NCKAP5: variants seen among roughly 807,000 people sequenced by gnomAD.
NCKAP5 encodes the protein nck-associated protein 5.
In NCKAP5, 92 loss-of-function variants were observed where a neutral mutation model predicts 167.0. The ratio of observed to expected loss-of-function variants is 0.55; its 90% CI spans 0.47 to 0.66. NCKAP5 has a LOEUF of 0.66. Ranked by LOEUF, NCKAP5 falls within the 30% of genes least tolerant of loss-of-function variation. The pLI is 0.00. For synonymous variants in NCKAP5, 891 were observed against 877.4 expected (o/e 1.02, Z -0.27); for missense variants, 2,378 against 2,315.0 (o/e 1.03, Z -0.56).
intron 5 of NCKAP5, among the ~76,000 whole-genome samples, chr2:133,147,627 C>T (rs555817886): frequency 9.9e-5 from 15 of 152,184 alleles, no homozygotes; most frequent in African/African-American, 1.7e-4. Context: ...GTATAACTCA[C>T]GGTAGGTCTA....
the NCKAP5 span, among the ~76,000 whole-genome samples, chr2:133,622,572 C>CA: frequency 1.1e-3 from 167 of 151,006 alleles, no homozygotes; most frequent in East Asian, 2.1e-3. Flanking sequence ...AAAAGAAAAA[C>CA]AAAAAAAACA....
chr2:132,932,629 A>C (rs1696477302), intron 8 of NCKAP5, among the ~76,000 whole-genome samples: 1 of 152,174 alleles, frequency 6.6e-6, no homozygotes, highest in Non-Finnish European at 1.5e-5. Context: ...AAACAGTCGT[A>C]CTAGCTGTTT....
chr2:133,634,277 G>A, the NCKAP5 span, among the ~76,000 whole-genome samples: 3 of 152,136 alleles, frequency 2.0e-5, no homozygotes, highest in Middle Eastern at 3.4e-3. Context: ...CAATATTCAC[G>A]GCCCCTTCCC....
At chr2:133,336,212 CAT>C (rs1683198315) in intron 3 of NCKAP5, among the ~76,000 whole-genome samples, 1 of 152,058 alleles carries the variant, frequency 6.6e-6, no homozygotes, top group Non-Finnish European at 1.5e-5. Context: ...AAACTCCTGA[CAT>C]ATATGTTTTT....
chr2:133,256,724 TG>T lies in NCKAP5; in HGVS notation c.144-42946del, dbSNP rs2088636680. Among the ~76,000 whole-genome samples, 3 of 152,248 alleles carry T rather than the reference TG, an allele frequency of 2.0e-5. No individual in the cohort carries two copies. In the South Asian group the frequency reaches 6.2e-4, roughly 32 times the overall value. ...GTCACTCTACAATTAATGGAAGAAATGTACAGTCAATAGTTTAAAACAAAGT... is the reference window on the plus strand; with the variant it reads ...GTCACTCTACAATTAATGGAAGAAATTACAGTCAATAGTTTAAAACAAAGT... On this transcript the variant is annotated intron_variant, in intron 4 of 19. Transcript: ENST00000409261.
At chr2:133,036,044 C>T (rs2079030260) in intron 6 of NCKAP5, among the ~76,000 whole-genome samples, 1 of 151,692 alleles carries the variant, frequency 6.6e-6, no homozygotes, top group Admixed American at 6.6e-5. Context: ...CTACTATGAG[C>T]AACTATATGT....
At chr2:132,964,596 A>T (rs112610322) in intron 7 of NCKAP5, among the ~76,000 whole-genome samples, 130 of 152,182 alleles carry the variant, frequency 8.5e-4, no homozygotes, top group African/African-American at 2.9e-3. Context: ...GTATCAAGAG[A>T]TTACCATATT....
chr2:133,247,341 A>C (rs554112031), intron 4 of NCKAP5, among the ~76,000 whole-genome samples: 2 of 152,352 alleles, frequency 1.3e-5, no homozygotes, highest in East Asian at 3.8e-4. Context: ...AGAAGCATTA[A>C]AAATAAATTT....
chr2:132,742,030 CT>C (rs888020591), intron 16 of NCKAP5, among the ~76,000 whole-genome samples: 3 of 152,026 alleles, frequency 2.0e-5, no homozygotes, highest in African/African-American at 7.2e-5. Context: ...ATGATTTTCC[CT>C]TACAGAAGGT....
chr2:132,766,278 C>CA (rs70973405), intron 16 of NCKAP5, among the ~76,000 whole-genome samples: 10,804 of 38,292 alleles, frequency 0.28, 2,121 homozygotes, highest in East Asian at 0.31. Flanking sequence ...GATTCTGTCT[C>CA]AAAAAAAAAA....
At chr2:132,762,851 C>T (rs180965969) in intron 16 of NCKAP5, among the ~76,000 whole-genome samples, 35 of 152,332 alleles carry the variant, frequency 2.3e-4, no homozygotes, top group Middle Eastern at 6.8e-3. Flanking sequence ...CCGGAGATCA[C>T]CTGTATCATA....
chr2:133,620,993 G>T, the NCKAP5 span, among the ~76,000 whole-genome samples: 1 of 152,072 alleles, frequency 6.6e-6, no homozygotes, highest in Non-Finnish European at 1.5e-5. Flanking sequence ...CGAATACATG[G>T]AAATTAAGTA....
intron 7 of NCKAP5, among the ~76,000 whole-genome samples, chr2:132,982,249 A>T (rs1370479192): frequency 1.3e-5 from 2 of 152,222 alleles, no homozygotes; most frequent in East Asian, 3.9e-4. Context: ...CTAAGGAACC[A>T]CTGGGAAAAC....
At chr2:132,880,638 A>AT (rs1210484457) in intron 8 of NCKAP5, among the ~76,000 whole-genome samples, 2 of 152,216 alleles carry the variant, frequency 1.3e-5, no homozygotes, top group Non-Finnish European at 2.9e-5. Flanking sequence ...AGAAAAAAAA[A>AT]GAGAAAAAAG....
intron 2 of NCKAP5, among the ~76,000 whole-genome samples, chr2:133,542,389 T>A (rs78590121): frequency 1.3e-5 from 2 of 152,204 alleles, no homozygotes; most frequent in African/African-American, 4.8e-5. Context: ...TTATTGGACA[T>A]GTAGGTGGTT....
intron 14 of NCKAP5, among the ~76,000 whole-genome samples, chr2:132,781,465 A>G (rs1574184141): frequency 6.6e-6 from 1 of 152,148 alleles, no homozygotes; most frequent in Non-Finnish European, 1.5e-5. Flanking sequence ...TCTTGTGGAG[A>G]GGGGCAAAAT....
intron 3 of NCKAP5, among the ~76,000 whole-genome samples, chr2:133,470,447 G>T (rs1679113421): frequency 6.6e-6 from 1 of 152,206 alleles, no homozygotes; most frequent in South Asian, 2.1e-4. Flanking sequence ...GTCTGCAGAG[G>T]TTGCTGCTGT....
At chr2:133,142,581 G>T (rs368292480) in intron 5 of NCKAP5, among the ~76,000 whole-genome samples, 3 of 152,208 alleles carry the variant, frequency 2.0e-5, no homozygotes, top group South Asian at 4.1e-4. Context: ...CTCCTGGAAG[G>T]CTTTGTCAGA....
At chr2:133,391,925 A>G (rs1428438462) in intron 3 of NCKAP5, among the ~76,000 whole-genome samples, 1 of 152,178 alleles carries the variant, frequency 6.6e-6, no homozygotes, top group Non-Finnish European at 1.5e-5. Flanking sequence ...GGAGACCAAG[A>G]TTGCTATCAC....
Sources: gnomAD v4.1 joint callset for allele counts (sites outside exome capture counted in the v4.1 genomes callset) on GRCh38, gnomAD v4.1.1 for gene constraint, MANE v1.5 for transcripts, NCBI Gene and HGNC (gene_info 2026-07-23, HGNC 2026-07-21) for gene names.